Variants in KCTD1 observed in about 807,000 individuals in gnomAD.
The protein encoded by KCTD1 is BTB/POZ domain-containing protein KCTD1.
Under a neutral mutation model 66.0 loss-of-function variants are expected in KCTD1, and 24 were observed. The ratio of observed to expected loss-of-function variants is 0.36; its 90% CI spans 0.26 to 0.51. The LOEUF is 0.51. KCTD1 is among the 20% of genes least tolerant of loss of function. The probability of loss-of-function intolerance (pLI) is 0.95; values close to 1 mark genes in which losing one functional copy is unlikely to be tolerated. For missense variants in KCTD1, 943 were observed against 1,205.2 expected, an observed-to-expected ratio of 0.78 and a Z score of 3.22; for synonymous variants, 511 against 517.2, an observed-to-expected ratio of 0.99 and a Z score of 0.16.
At chr18:26,618,065 G>A (rs565276685) in intron 1 of KCTD1, among the ~76,000 whole-genome samples, 14 of 151,040 alleles carry the variant, frequency 9.3e-5, no homozygotes, top group African/African-American at 3.2e-4. Context: ...AGGAAAAAAT[G>A]CTGAACTTGG....
chr18:26,642,987 CTGTTTTGTGT>C (rs1477137688), upstream of KCTD1, among the ~76,000 whole-genome samples: 1 of 152,114 alleles, frequency 6.6e-6, no homozygotes. Flanking sequence ...CAGGGAGGTT[CTGTTTTGTGT>C]TGAAGGATGG....
At chr18:26,559,635 G>A (rs977672971) in intron 1 of KCTD1, among the ~76,000 whole-genome samples, 1 of 152,192 alleles carries the variant, frequency 6.6e-6, no homozygotes, top group African/African-American at 2.4e-5. Flanking sequence ...GTGGAGCCTG[G>A]TGAGCCTCTC....
rs187251359 is a variant in KCTD1, at chr18:26,459,939, A to C, written c.2134-14T>G. 164 of 1,544,628 alleles carry C rather than the reference A, an allele frequency of 1.1e-4. No homozygotes were observed. The highest frequency in any genetic ancestry group is 1.4e-4 in the Non-Finnish European group (155 of 1,144,998). On this transcript the variant is annotated splice_polypyrimidine_tract_variant and intron_variant, in intron 3 of 4. Transcript: ENST00000580059. ...CAAAGTGTAGTCCTGGAAAAAAAAA[A>C]GGTATTTCACAGTGCAAACTGCAAA... is the stretch of plus-strand genomic sequence containing the variant.
At chr18:26,490,050 A>T (rs1247214811) in intron 2 of KCTD1, among the ~76,000 whole-genome samples, 2 of 152,182 alleles carry the variant, frequency 1.3e-5, no homozygotes, top group African/African-American at 4.8e-5. Flanking sequence ...ACTGATCAAA[A>T]ACGAGTACAG....
At chr18:26,626,838 G>A (rs1427155538) in intron 1 of KCTD1, among the ~76,000 whole-genome samples, 1 of 152,192 alleles carries the variant, frequency 6.6e-6, no homozygotes, top group African/African-American at 2.4e-5. Flanking sequence ...GAAGATTTCA[G>A]GCAAAGGGAT....
chr18:26,641,200 A>C (rs1196508559), upstream of KCTD1, among the ~76,000 whole-genome samples: 1 of 152,140 alleles, frequency 6.6e-6, no homozygotes, highest in African/African-American at 2.4e-5. Flanking sequence ...ACTTTGTTCA[A>C]GTTCCCTGCC....
intron 1 of KCTD1, among the ~76,000 whole-genome samples, chr18:26,533,827 T>TAAAAAAAAAAAAAAA (rs143763803): frequency 7.7e-6 from 1 of 130,452 alleles, no homozygotes; most frequent in Non-Finnish European, 1.6e-5. Context: ...AGCTATTATT[T>TAAAAAAAAAAAAAAA]AAAAAAAAAA....
rs565527801 is a variant in KCTD1, at chr18:26,492,422, C to G, written c.1988+8650G>C. The stretch of plus-strand genomic sequence containing the variant: ...GCTAAGGAGGGTGGATCACTTGAGC[C>G]CAGGGGTTCAAGACCAGCCTGGGCA... On this transcript the variant is annotated intron_variant, in intron 2 of 4. Transcript: ENST00000580059. Among the ~76,000 whole-genome samples, 20 of 151,810 alleles carry G rather than the reference C, an allele frequency of 1.3e-4. No individual in the cohort carries two copies. The South Asian group carries it at 4.2e-3, about 32-fold the overall frequency.
At chr18:26,462,590 G>A (rs761675133) in intron 3 of KCTD1, among the ~76,000 whole-genome samples, 3 of 152,104 alleles carry the variant, frequency 2.0e-5, no homozygotes, top group African/African-American at 4.8e-5. Flanking sequence ...TTCTTGCTGC[G>A]TTACCATTTT....
At chr18:26,656,473 G>T (rs1048006114) in intron 1 of KCTD1, among the ~76,000 whole-genome samples, 2 of 152,052 alleles carry the variant, frequency 1.3e-5, no homozygotes, top group Non-Finnish European at 2.9e-5. Flanking sequence ...CTGGAGATGG[G>T]AGGGAGTGGG....
At chr18:26,621,595 A>G (rs1987386740) in intron 1 of KCTD1, among the ~76,000 whole-genome samples, 1 of 152,176 alleles carries the variant, frequency 6.6e-6, no homozygotes, top group South Asian at 2.1e-4. Context: ...AGCCGTCCTA[A>G]GGAAATGCAC....
Position 26,455,604 on chromosome 18 carries a change from T to C in KCTD1, c.*139A>G. The C allele has an allele frequency of 1.1e-6, 1 of 929,924 alleles. No individual in the cohort carries two copies. The highest frequency in any genetic ancestry group is 1.7e-6 in the Non-Finnish European group (1 of 604,276). The allele number at this position is 929,924 out of a possible 1,614,324, so 57.6% of individuals were successfully genotyped here. On this transcript the variant is annotated 3_prime_UTR_variant, in exon 5 of 5. Transcript: ENST00000580059. ...TTCCCATATGAATACAGGTGTGGTC[T>C]CTATTGGATATAAATGTGTCTTTTA...
chr18:26,599,709 C>T, intron 1 of KCTD1: 1 of 1,525,368 alleles, frequency 6.6e-7, no homozygotes. Flanking sequence ...GTAGAGACAG[C>T]TGTAGATAAC....
intron 1 of KCTD1, among the ~76,000 whole-genome samples, chr18:26,608,579 G>C (rs758602858): frequency 6.6e-6 from 1 of 152,190 alleles, no homozygotes; most frequent in African/African-American, 2.4e-5. Context: ...GGGCAGGGTC[G>C]GTGGGCTGCT....
intron 2 of KCTD1, among the ~76,000 whole-genome samples, chr18:26,495,554 C>A (rs755106370): frequency 6.6e-6 from 1 of 152,098 alleles, no homozygotes; most frequent in Non-Finnish European, 1.5e-5. Flanking sequence ...GAGTTTCTTG[C>A]GTTTTGCAAT....
upstream of KCTD1, chr18:26,549,207 G>A (rs1483218173): frequency 1.0e-6 from 1 of 986,472 alleles, no homozygotes; most frequent in Non-Finnish European, 1.2e-6. Context: ...CTTGGGAGCG[G>A]GATGGGGCTG....
intron 1 of KCTD1, among the ~76,000 whole-genome samples, chr18:26,519,894 G>T (rs1440228835): frequency 1.3e-5 from 2 of 152,192 alleles, no homozygotes; most frequent in Admixed American, 1.3e-4. Flanking sequence ...GCTGCCATTT[G>T]TTGCTCTTAA....
rs532531290 is a variant in KCTD1, at chr18:26,528,897, C to G, written c.1809+17831G>C. 3.3e-5 allele frequency among the ~76,000 whole-genome samples: 5 copies of G among 152,332 alleles called. No individual in the cohort carries two copies. In the East Asian group the frequency reaches 9.6e-4, roughly 29 times the overall value. The stretch of plus-strand genomic sequence containing the variant: ...GCTTTGCCTCCACAGATTCCAGTTT[C>G]TTGAGGCCCTCTTCTCTTCTGTCAC... On this transcript the variant is annotated intron_variant, in intron 1 of 4. Transcript: ENST00000580059.
At chr18:26,470,658 C>G (rs1392124804) in intron 3 of KCTD1, among the ~76,000 whole-genome samples, 2 of 152,216 alleles carry the variant, frequency 1.3e-5, no homozygotes, top group African/African-American at 2.4e-5. Flanking sequence ...ATTGGCTGTT[C>G]CCACTCTCGT....
Sources: allele counts gnomAD v4.1 joint callset (sites outside exome capture counted in the v4.1 genomes callset), GRCh38; gene constraint gnomAD v4.1.1; transcripts MANE v1.5; gene names NCBI Gene and HGNC (gene_info 2026-07-23, HGNC 2026-07-21).